TNR: variants seen among roughly 807,000 people sequenced by gnomAD.
TNR encodes tenascin R, also known as tenascin-R.
TNR carries 45 observed loss-of-function variants against 150.4 expected under a neutral mutation model. The observed-to-expected ratio is 0.30, with a 90% confidence interval of 0.24 to 0.38. The LOEUF (loss-of-function observed/expected upper bound fraction) is 0.38, where lower values mean the gene tolerates loss of function less well. Among genes scored for constraint, TNR ranks in the 10% least tolerant of loss-of-function variants. The probability of loss-of-function intolerance (pLI) is 1.00; values close to 1 mark genes in which losing one functional copy is unlikely to be tolerated. For missense variants in TNR, 1,544 were observed against 1,759.1 expected (o/e 0.88, Z 2.19); for synonymous variants, 687 against 678.4 (o/e 1.01, Z -0.20).
chr1:175,608,568 G>A (rs1043057919), intron 1 of TNR, among the ~76,000 whole-genome samples: 1 of 152,200 alleles, frequency 6.6e-6, no homozygotes, highest in Non-Finnish European at 1.5e-5. Context: ...TATGGACAGT[G>A]TGGATAAAAC....
intron 9 of TNR, among the ~76,000 whole-genome samples, chr1:175,367,623 G>C (rs1011714060): frequency 7.2e-5 from 11 of 152,160 alleles, no homozygotes; most frequent in African/African-American, 2.7e-4. Flanking sequence ...AGGTTGGCTT[G>C]AACCAGCGAG....
intron 4 of TNR, 152 bp from the exon 5 acceptor site, chr1:175,396,959 A>T: frequency 9.7e-7 from 1 of 1,033,284 alleles, no homozygotes; most frequent in Non-Finnish European, 1.4e-6. Context: ...TTCCTTTGTG[A>T]GCAGGCTCTT....
At chr1:175,502,400 G>T (rs970701124) in intron 2 of TNR, among the ~76,000 whole-genome samples, 1 of 152,180 alleles carries the variant, frequency 6.6e-6, no homozygotes, top group Non-Finnish European at 1.5e-5. Context: ...CCCTGGGATA[G>T]AGGAAACTTT....
chr1:175,705,571 G>A (rs1019057084), intron 1 of TNR, among the ~76,000 whole-genome samples: 2 of 152,036 alleles, frequency 1.3e-5, no homozygotes, highest in Non-Finnish European at 2.9e-5. Context: ...TATGTGTGAT[G>A]TGTGTACCTA....
intron 2 of TNR, among the ~76,000 whole-genome samples, chr1:175,527,847 AT>A (rs1446279380): frequency 2.0e-5 from 3 of 152,118 alleles, no homozygotes; most frequent in African/African-American, 7.2e-5. Flanking sequence ...AGAGATGGAT[AT>A]TTTTTCATAA....
intron 1 of TNR, among the ~76,000 whole-genome samples, chr1:175,558,205 T>C (rs540017389): frequency 6.9e-6 from 1 of 145,680 alleles, no homozygotes; most frequent in South Asian, 2.3e-4. Context: ...CGCACCAGCA[T>C]GGCACATGTA....
intron 1 of TNR, among the ~76,000 whole-genome samples, chr1:175,565,669 A>G (rs74127345): frequency 0.018 from 2,773 of 152,316 alleles, 87 homozygotes; most frequent in African/African-American, 0.062. Context: ...CTTCAGCATT[A>G]CTTTCTAGGA....
At chr1:175,539,015 T>C (rs1296441709) in intron 1 of TNR, 1 of 152,200 alleles carries the variant, frequency 6.6e-6, no homozygotes, top group East Asian at 1.9e-4. Flanking sequence ...TACATTTATG[T>C]TTGAACTGAT....
chr1:175,443,212 G>T (rs564234766), intron 2 of TNR, among the ~76,000 whole-genome samples: 10 of 152,212 alleles, frequency 6.6e-5, no homozygotes, highest in African/African-American at 2.4e-4. Flanking sequence ...GTGCCCTTTT[G>T]CTTGATTAAG....
chr1:175,386,346 T>A (rs1463380056), intron 7 of TNR, 45 bp from the exon 8 acceptor site: 2 of 1,498,564 alleles, frequency 1.3e-6, no homozygotes, highest in Non-Finnish European at 1.8e-6. Context: ...GAATGAGAAA[T>A]AAGCCTTGGG....
intron 1 of TNR, among the ~76,000 whole-genome samples, chr1:175,546,136 C>T (rs949039352): frequency 5.3e-5 from 8 of 152,100 alleles, no homozygotes; most frequent in Middle Eastern, 3.2e-3. Context: ...TTACAAGGGA[C>T]GGCAGAAGAA....
chr1:175,686,705 T>C (rs955456679), intron 1 of TNR, among the ~76,000 whole-genome samples: 2 of 152,146 alleles, frequency 1.3e-5, no homozygotes, highest in African/African-American at 4.8e-5. Flanking sequence ...TTTGTACCCA[T>C]TGTTTAGTTC....
At chr1:175,381,561 G>A (rs999445111) in intron 8 of TNR, among the ~76,000 whole-genome samples, 4 of 152,206 alleles carry the variant, frequency 2.6e-5, no homozygotes, top group Non-Finnish European at 5.9e-5. Flanking sequence ...AGGTGAAATT[G>A]TTTGCTCCCT....
At chr1:175,719,868 G>A (rs989485155) in intron 1 of TNR, among the ~76,000 whole-genome samples, 1 of 152,142 alleles carries the variant, frequency 6.6e-6, no homozygotes, top group Non-Finnish European at 1.5e-5. Context: ...TTTGGCCTGT[G>A]TGGGACCCTG....
At chr1:175,447,702 A>G (rs1421728351) in intron 2 of TNR, among the ~76,000 whole-genome samples, 2 of 152,020 alleles carry the variant, frequency 1.3e-5, no homozygotes, top group African/African-American at 2.4e-5. Context: ...GTTGCTTTCT[A>G]TTCTTGATTT....
intron 20 of TNR, among the ~76,000 whole-genome samples, chr1:175,334,703 C>CAGCACCCA (rs576516695): frequency 1.2e-3 from 188 of 152,324 alleles, no homozygotes; most frequent in Non-Finnish European, 2.4e-3. Context: ...AACCAATTGG[C>CAGCACCCA]AGCACCCATT....
intron 1 of TNR, among the ~76,000 whole-genome samples, chr1:175,641,580 G>A: frequency 6.6e-6 from 1 of 152,190 alleles, no homozygotes; most frequent in African/African-American, 2.4e-5. Flanking sequence ...AGGAGAAGGA[G>A]GCTGCTCCAC....
intron 1 of TNR, among the ~76,000 whole-genome samples, chr1:175,632,076 C>T (rs549548733): frequency 1.3e-5 from 2 of 152,300 alleles, no homozygotes; most frequent in South Asian, 2.1e-4. Context: ...GGAGAAGGAA[C>T]CTTAGCTCTG....
At chr1:175,633,055 T>C (rs1475515667) in intron 1 of TNR, among the ~76,000 whole-genome samples, 1 of 152,192 alleles carries the variant, frequency 6.6e-6, no homozygotes, top group Non-Finnish European at 1.5e-5. Context: ...CTATCTGGAA[T>C]ACCCACCCCC....
Sources: allele counts gnomAD v4.1 joint callset (sites outside exome capture counted in the v4.1 genomes callset), GRCh38; gene constraint gnomAD v4.1.1; transcripts MANE v1.5; gene names NCBI Gene and HGNC (gene_info 2026-07-23, HGNC 2026-07-21).